The following PLD5 variants were observed in gnomAD, a reference collection of about 807,000 sequenced individuals.
PLD5 encodes the protein phospholipase D family member 5.
Under a neutral mutation model 61.1 loss-of-function variants are expected in PLD5, and 36 were observed. The observed-to-expected ratio is 0.59, with a 90% CI of 0.45 to 0.78. The LOEUF is 0.78. Among genes scored for constraint, PLD5 ranks in the 30% least tolerant of loss-of-function variants. PLD5 has a pLI of 0.00. For synonymous variants in PLD5, 243 were observed against 242.8 expected (o/e 1.00, Z -0.01); for missense variants, 515 against 644.4 (o/e 0.80, Z 2.17).
At chr1:242,486,511 A>T (rs1247435935) in intron 1 of PLD5, among the ~76,000 whole-genome samples, 1 of 152,248 alleles carries the variant, frequency 6.6e-6, no homozygotes, top group Non-Finnish European at 1.5e-5. Context: ...CCACAATGAG[A>T]TACCATCTCA....
chr1:242,155,016 T>A (rs898023324), intron 5 of PLD5, among the ~76,000 whole-genome samples: 3 of 152,236 alleles, frequency 2.0e-5, no homozygotes, highest in African/African-American at 7.2e-5. Context: ...ATTGCCTCAA[T>A]TTCAGAACTT....
rs1659405114 is a variant in PLD5 at position 242,085,482 on chromosome 1, C to T, written c.*4372G>A. On this transcript the variant is annotated 3_prime_UTR_variant, in exon 10 of 10. Transcript: ENST00000536534. The stretch of plus-strand genomic sequence containing the variant: ...GGTTGATGTCAGGGCTATTCAAAAG[C>T]CTCCGTCCATTTAAGTCAATAAGGT... 6.6e-6 allele frequency: 1 copy of T among 152,082 alleles called. No individual in the cohort carries two copies. The highest frequency in any genetic ancestry group is 6.5e-5 in the Admixed American group (1 of 15,272). The allele number at this position is 152,082 out of a possible 1,614,324, so 9.4% of individuals were successfully genotyped here.
chr1:242,491,548 T>C (rs1027645280), intron 1 of PLD5, among the ~76,000 whole-genome samples: 2 of 152,242 alleles, frequency 1.3e-5, no homozygotes, highest in African/African-American at 2.4e-5. Flanking sequence ...TAAACACGTA[T>C]ATTATATCTA....
rs536751477 is a variant in PLD5 at position 242,500,924 on chromosome 1, A to G, written c.189+23164T>C. Among the ~76,000 whole-genome samples, 21 of 152,356 alleles carry G rather than the reference A, an allele frequency of 1.4e-4. 1 individual carries two copies. The South Asian group carries it at 3.9e-3, about 29-fold the overall frequency. On this transcript the variant is annotated intron_variant, in intron 1 of 9. Transcript: ENST00000536534. ...AGATGAAAGGTTAGGGACAGCAACT[A>G]GAAGCCATATCCACATACCACCTAG...
At position 242,340,397 on chromosome 1, in the gene PLD5, A is replaced by C. The variant is rs1659762563; in HGVS notation, c.326+7709T>G. 7.9e-5 allele frequency among the ~76,000 whole-genome samples: 12 copies of C among 152,142 alleles called. 1 individual carries two copies. Among genetic ancestry groups the C allele is most frequent in the Admixed American group, 7.9e-4 (12 of 15,264 alleles). On this transcript the variant is annotated intron_variant, in intron 2 of 9. Transcript: ENST00000536534. ...AGTTGGGTTTGTCAATACAAAGCAA[A>C]ATAGATCAAAGTTAATGTAGATAAG...
intron 1 of PLD5, among the ~76,000 whole-genome samples, chr1:242,487,845 A>G (rs1668013473): frequency 6.6e-6 from 1 of 152,120 alleles, no homozygotes; most frequent in Admixed American, 6.5e-5. Context: ...ATTTATGTAT[A>G]TTGTATGTAT....
intron 1 of PLD5, among the ~76,000 whole-genome samples, chr1:242,430,842 G>T (rs1401269653): frequency 1.3e-5 from 2 of 152,026 alleles, no homozygotes; most frequent in Non-Finnish European, 2.9e-5. Flanking sequence ...CAAGCATCAG[G>T]GCTAGATGAA....
Position 242,513,808 on chromosome 1 carries a change from C to T in PLD5, c.189+10280G>A, listed in dbSNP as rs541276114. Reference sequence around the variant, plus strand: ...CTGTTCATTCTTGTGTCCATCATGCCAATCACAACTTCTGGCACATCCGTG... The same window carrying T: ...CTGTTCATTCTTGTGTCCATCATGCTAATCACAACTTCTGGCACATCCGTG... On this transcript the variant is annotated intron_variant, in intron 1 of 9. Coordinates refer to ENST00000536534, the MANE Select transcript of PLD5 (RefSeq NM_001372062.1). 2.0e-5 allele frequency among the ~76,000 whole-genome samples: 3 copies of T among 152,316 alleles called. No homozygotes were observed. In the South Asian group the frequency reaches 6.2e-4, roughly 32 times the overall value.
intron 1 of PLD5, among the ~76,000 whole-genome samples, chr1:242,519,956 T>TA (rs1289053561): frequency 2.6e-5 from 4 of 152,316 alleles, no homozygotes; most frequent in Admixed American, 6.5e-5. Context: ...TACCTACAGT[T>TA]ACTGTGTATT....
chr1:242,272,608 A>G (rs1674156957), intron 3 of PLD5, among the ~76,000 whole-genome samples: 1 of 152,200 alleles, frequency 6.6e-6, no homozygotes, highest in South Asian at 2.1e-4. Context: ...TATAAAACAA[A>G]TCTTATCTAT....
chr1:242,262,617 G>A lies in PLD5; in HGVS notation c.607+2720C>T, dbSNP rs547339985. On this transcript the variant is annotated intron_variant, in intron 4 of 9. Coordinates refer to ENST00000536534, the MANE Select transcript of PLD5 (RefSeq NM_001372062.1). The stretch of plus-strand genomic sequence containing the variant: ...TATTAAGAGACCTGAAATAAGGCAG[G>A]TATGTGAGGAGGAAATGTGGTATCT... Among the ~76,000 whole-genome samples the A allele has an allele frequency of 2.8e-3, 433 of 152,234 alleles. 2 individuals carry two copies. Among genetic ancestry groups the A allele is most frequent in the Middle Eastern group, 3.4e-3 (1 of 294 alleles).
rs969442126 is a variant in PLD5 at position 242,447,293 on chromosome 1, G to A, written c.189+76795C>T. Among the ~76,000 whole-genome samples, 3 of 152,350 alleles carry A rather than the reference G, an allele frequency of 2.0e-5. 1 individual carries two copies. Among genetic ancestry groups the A allele is most frequent in the South Asian group, 4.1e-4 (2 of 4,832 alleles). ...TATAACATCTAGCAAGTTCTGACACGCTCCTGACTCTAATGAGGTCAAGGA... is the reference window on the plus strand; with the variant it reads ...TATAACATCTAGCAAGTTCTGACACACTCCTGACTCTAATGAGGTCAAGGA... On this transcript the variant is annotated intron_variant, in intron 1 of 9. Coordinates refer to ENST00000536534, the MANE Select transcript of PLD5 (RefSeq NM_001372062.1).
In PLD5 at chr1:242,453,318, G is replaced by A. The variant is rs78266955; in HGVS notation, c.189+70770C>T. 1.5e-3 allele frequency among the ~76,000 whole-genome samples: 228 copies of A among 152,246 alleles called. 1 individual carries two copies. Among genetic ancestry groups the A allele is most frequent in the African/African-American group, 5.2e-3 (218 of 41,544 alleles). On this transcript the variant is annotated intron_variant, in intron 1 of 9. Transcript: ENST00000536534. ...CTGGGACTTTCCAGCCTCCAGAATC[G>A]GGAGAAATAAGTTTCTTTGTTTGTA... is the stretch of plus-strand genomic sequence containing the variant.
chr1:242,094,888 G>A (rs992324492), intron 9 of PLD5, among the ~76,000 whole-genome samples: 1 of 151,852 alleles, frequency 6.6e-6, no homozygotes, highest in Non-Finnish European at 1.5e-5. Context: ...TGTCAGTGCT[G>A]GAATTCAAAT....
intron 3 of PLD5, 127 bp from the exon 4 acceptor site, chr1:242,265,575 A>G: frequency 1.3e-6 from 1 of 785,046 alleles, no homozygotes; most frequent in South Asian, 2.1e-5. Flanking sequence ...CATTTCAACA[A>G]CTGGTATTCA....
chr1:242,176,166 T>A (rs529260790), intron 5 of PLD5, among the ~76,000 whole-genome samples: 1 of 152,130 alleles, frequency 6.6e-6, no homozygotes, highest in Non-Finnish European at 1.5e-5. Flanking sequence ...GGAGGCATCA[T>A]GCTACCTGAC....
chr1:242,432,830 G>T (rs1408013933), intron 1 of PLD5, among the ~76,000 whole-genome samples: 3 of 152,034 alleles, frequency 2.0e-5, no homozygotes, highest in African/African-American at 7.2e-5. Flanking sequence ...GAAAAAAAAA[G>T]CCAAAGAGAC....
At chr1:242,498,756 A>G (rs1170662116) in intron 1 of PLD5, among the ~76,000 whole-genome samples, 1 of 152,190 alleles carries the variant, frequency 6.6e-6, no homozygotes, top group Non-Finnish European at 1.5e-5. Flanking sequence ...TTATCATTTT[A>G]AAGTCTGCCA....
chr1:242,164,200 CAATTAT>C (rs1666129363), intron 5 of PLD5, among the ~76,000 whole-genome samples: 1 of 151,740 alleles, frequency 6.6e-6, no homozygotes, highest in Admixed American at 6.6e-5. Flanking sequence ...CAGTTGCATG[CAATTAT>C]GGAAAGTGCA....
Sources: gnomAD v4.1 joint callset for allele counts (sites outside exome capture counted in the v4.1 genomes callset) on GRCh38, gnomAD v4.1.1 for gene constraint, MANE v1.5 for transcripts, NCBI Gene and HGNC (gene_info 2026-07-23, HGNC 2026-07-21) for gene names.